Variants in PPP2R3B observed in about 807,000 individuals in gnomAD.
The protein encoded by PPP2R3B is protein phosphatase 2 regulatory subunit B''beta, also known as serine/threonine-protein phosphatase 2A regulatory subunit B'' subunit beta.
Under a neutral mutation model 72.9 loss-of-function variants are expected in PPP2R3B, and 68 were observed. The observed-to-expected ratio is 0.93, with a 90% CI of 0.77 to 1.14. The LOEUF (loss-of-function observed/expected upper bound fraction) is 1.14, where lower values mean the gene tolerates loss of function less well. Among genes scored for constraint, PPP2R3B ranks in the 50% most tolerant of loss-of-function variants. PPP2R3B has a pLI of 0.00. For missense variants in PPP2R3B, 1,018 were observed against 842.0 expected, an observed-to-expected ratio of 1.21 and a Z score of -2.59; for synonymous variants, 466 against 375.8, an observed-to-expected ratio of 1.24 and a Z score of -2.78.
At chrX:371,538 G>A (rs1337003783) in intron 1 of PPP2R3B, among the ~76,000 whole-genome samples, 1 of 151,928 alleles carries the variant, frequency 6.6e-6, no homozygotes, top group Non-Finnish European at 1.5e-5. Context: ...ACAGTCAGAA[G>A]ATCAAGCTCA....
At chrX:367,931 G>A (rs756353201) in intron 1 of PPP2R3B, among the ~76,000 whole-genome samples, 3 of 152,362 alleles carry the variant, frequency 2.0e-5, no homozygotes, top group African/African-American at 7.2e-5. Context: ...GACACAAGGT[G>A]ATGGACAGAC....
Position 334,001 on chromosome X carries a change from T to C in PPP2R3B, c.*366A>G, listed in dbSNP as rs1349731655. On this transcript the variant is annotated 3_prime_UTR_variant, in exon 13 of 13. Coordinates refer to ENST00000390665, the MANE Select transcript of PPP2R3B (RefSeq NM_013239.5). ...GTTTACACAAAACATTCACACAGCC[T>C]GTGGTGGAGGCTCCTGTCCAGGACT... 2 of 217,876 alleles carry C rather than the reference T, an allele frequency of 9.2e-6. No individual in the cohort carries two copies. 13.5% of individuals were successfully genotyped at this position (217,876 alleles called of 1,614,324 possible). A position where few individuals can be genotyped will look rare whatever the true frequency, so the allele number is the denominator to read the frequency against.
chrX:360,088 C>G (rs1267493910), intron 2 of PPP2R3B, among the ~76,000 whole-genome samples: 2 of 152,214 alleles, frequency 1.3e-5, no homozygotes, highest in East Asian at 1.9e-4. Context: ...CAAGCACTGT[C>G]TTCTCTGTGA....
chrX:354,273 TCACCCAAACACC>T (rs2071398384), intron 2 of PPP2R3B, among the ~76,000 whole-genome samples: 3 of 110,222 alleles, frequency 2.7e-5, no homozygotes, highest in Non-Finnish European at 3.9e-5. Context: ...CACCAGGGGC[TCACCCAAACACC>T]GGGGCTGCCT....
intron 1 of PPP2R3B, among the ~76,000 whole-genome samples, chrX:367,574 T>C (rs2071749231): frequency 6.6e-6 from 1 of 152,152 alleles, no homozygotes; most frequent in Admixed American, 6.5e-5. Context: ...GCCATTGACA[T>C]TTGTAGGATA....
In PPP2R3B at chrX:353,673, C is replaced by T. The variant is rs1314709703; in HGVS notation, c.511-5980G>A. On this transcript the variant is annotated intron_variant, in intron 2 of 12. Coordinates refer to ENST00000390665, the MANE Select transcript of PPP2R3B (RefSeq NM_013239.5). The stretch of plus-strand genomic sequence containing the variant: ...TTCACGAGCGCAGACGCAACCCCTG[C>T]GAGGCCTGGCAATGTGGACCCAACA... Among the ~76,000 whole-genome samples, 5 of 152,270 alleles carry T rather than the reference C, an allele frequency of 3.3e-5. No homozygotes were observed. In the South Asian group the frequency reaches 6.2e-4, roughly 19 times the overall value.
chrX:381,328 G>A (rs181798135), intron 1 of PPP2R3B, among the ~76,000 whole-genome samples: 194 of 152,258 alleles, frequency 1.3e-3, no homozygotes, highest in African/African-American at 4.5e-3. Flanking sequence ...GCTCAGTAAC[G>A]ATGAAGGCGT....
At position 355,964 on chromosome X, in the gene PPP2R3B, C is replaced by G. The variant is rs2738391; in HGVS notation, c.510+5441G>C. ...AGCTCATTGAATTGTACCTTCCACA[C>G]GCACCATGCATCCCACATCAGTTAT... On this transcript the variant is annotated intron_variant, in intron 2 of 12. Transcript: ENST00000390665. 5.3e-5 allele frequency among the ~76,000 whole-genome samples: 8 copies of G among 152,124 alleles called. No individual in the cohort carries two copies. The East Asian group carries it at 7.7e-4, about 15-fold the overall frequency.
At chrX:369,732 GGCA>G (rs1569411375) in intron 1 of PPP2R3B, among the ~76,000 whole-genome samples, 1 of 152,178 alleles carries the variant, frequency 6.6e-6, no homozygotes, top group East Asian at 1.9e-4. Context: ...TCGCCCCCAC[GGCA>G]GCAGGACCGG....
At chrX:379,911 T>C (rs1161613497) in intron 1 of PPP2R3B, among the ~76,000 whole-genome samples, 1 of 152,202 alleles carries the variant, frequency 6.6e-6, no homozygotes, top group Non-Finnish European at 1.5e-5. Flanking sequence ...GAAAGTGCCA[T>C]GAAGGTGAGG....
intron 10 of PPP2R3B, 21 bp from the exon 11 acceptor site, chrX:338,917 CCAAGG>C: frequency 6.2e-7 from 1 of 1,603,592 alleles, no homozygotes; most frequent in Non-Finnish European, 8.5e-7. Context: ...GGGAGTGCGT[CCAAGG>C]CGCGTGAGCC....
At chrX:373,666 C>T in intron 1 of PPP2R3B, 1 of 226,570 alleles carries the variant, frequency 4.4e-6, no homozygotes. Context: ...ATGCCGCCGG[C>T]GCGCAGGGCT....
intron 2 of PPP2R3B, among the ~76,000 whole-genome samples, chrX:352,850 A>C (rs1200135342): frequency 1.3e-5 from 2 of 151,068 alleles, no homozygotes. Context: ...AAAGATGTGA[A>C]AACGCTGCCA....
intron 9 of PPP2R3B, 85 bp from the exon 10 acceptor site, chrX:341,025 G>A: frequency 2.0e-6 from 3 of 1,526,172 alleles, no homozygotes; most frequent in Non-Finnish European, 2.6e-6. Flanking sequence ...CCCACCGGGG[G>A]TGCACGCGTC....
chrX:338,543 C>T, intron 12 of PPP2R3B, 61 bp downstream of exon 12: 1 of 1,287,836 alleles, frequency 7.8e-7, no homozygotes, highest in Non-Finnish European at 1.1e-6. Context: ...CTCACCCGTC[C>T]TCCCCACTCA....
intron 1 of PPP2R3B, among the ~76,000 whole-genome samples, chrX:369,468 G>A (rs973236190): frequency 2.1e-4 from 32 of 152,154 alleles, no homozygotes; most frequent in Non-Finnish European, 3.8e-4. Flanking sequence ...TACATGTGTC[G>A]CCCTTCCAGA....
intron 2 of PPP2R3B, among the ~76,000 whole-genome samples, chrX:351,268 G>C (rs2071327509): frequency 6.6e-6 from 1 of 152,146 alleles, no homozygotes; most frequent in Admixed American, 6.5e-5. Context: ...GCAGCACCGG[G>C]TCCTTGGGCT....
At chrX:353,897 G>A (rs988929527) in intron 2 of PPP2R3B, among the ~76,000 whole-genome samples, 1 of 128,444 alleles carries the variant, frequency 7.8e-6, no homozygotes, top group Non-Finnish European at 1.7e-5. Context: ...AAGACCGGGG[G>A]CTCACCCAAA....
chrX:368,052 ACAC>A (rs1270911450), intron 1 of PPP2R3B, among the ~76,000 whole-genome samples: 2 of 152,212 alleles, frequency 1.3e-5, no homozygotes. Context: ...GATCAAGTAA[ACAC>A]CACTGGACAC....
Sources: allele counts gnomAD v4.1 joint callset (sites outside exome capture counted in the v4.1 genomes callset), GRCh38; gene constraint gnomAD v4.1.1; transcripts MANE v1.5; gene names NCBI Gene and HGNC (gene_info 2026-07-23, HGNC 2026-07-21).